MAD1L1: variants seen among roughly 807,000 people sequenced by gnomAD.
The protein encoded by MAD1L1 is mitotic arrest deficient 1 like 1, also known as mitotic spindle assembly checkpoint protein MAD1.
In MAD1L1, 95 loss-of-function variants were observed where a neutral mutation model predicts 96.9. The ratio of observed to expected loss-of-function variants is 0.98; its 90% CI spans 0.83 to 1.16. The LOEUF is 1.16. MAD1L1 is among the 50% of genes most tolerant of loss of function. The probability of loss-of-function intolerance (pLI) is 0.00; values close to 1 mark genes in which losing one functional copy is unlikely to be tolerated. For missense variants in MAD1L1, 1,007 were observed against 954.4 expected (o/e 1.06, Z -0.73); for synonymous variants, 473 against 396.6 (o/e 1.19, Z -2.29).
chr7:1,969,737 C>A (rs1780323893), intron 15 of MAD1L1, among the ~76,000 whole-genome samples: 1 of 152,098 alleles, frequency 6.6e-6, no homozygotes, highest in Admixed American at 6.5e-5. Context: ...AGCAATCTGA[C>A]AAGGAAATCA....
chr7:1,929,278 T>A (rs746768805), intron 17 of MAD1L1, among the ~76,000 whole-genome samples: 16 of 152,122 alleles, frequency 1.1e-4, no homozygotes, highest in Middle Eastern at 3.2e-3. Flanking sequence ...ACCTCTAGGA[T>A]CAGCTGTGCC....
At chr7:2,087,403 G>A (rs1785973544) in intron 11 of MAD1L1, among the ~76,000 whole-genome samples, 1 of 152,136 alleles carries the variant, frequency 6.6e-6, no homozygotes, top group Non-Finnish European at 1.5e-5. Flanking sequence ...AGCCAGGCCT[G>A]GTGGCGCGCG....
At chr7:1,963,068 C>T (rs533058293) in intron 15 of MAD1L1, among the ~76,000 whole-genome samples, 1 of 152,370 alleles carries the variant, frequency 6.6e-6, no homozygotes, top group Admixed American at 6.5e-5. Context: ...ACGTTACACA[C>T]GTGACCGCCA....
chr7:1,979,787 G>C (rs111402248), intron 15 of MAD1L1, among the ~76,000 whole-genome samples: 2,339 of 152,306 alleles, frequency 0.015, 28 homozygotes, highest in Non-Finnish European at 0.027. Flanking sequence ...TCTGCTCTGA[G>C]CCACACTCCC....
intron 11 of MAD1L1, among the ~76,000 whole-genome samples, chr7:2,140,257 A>C (rs1436986442): frequency 6.6e-6 from 1 of 152,152 alleles, no homozygotes; most frequent in South Asian, 2.1e-4. Flanking sequence ...AGCCACATTC[A>C]CCACTGCCCA....
chr7:1,942,680 C>G (rs1049321388), intron 16 of MAD1L1, among the ~76,000 whole-genome samples: 5 of 152,184 alleles, frequency 3.3e-5, no homozygotes, highest in African/African-American at 9.7e-5. Context: ...TGTCTCGGAT[C>G]AGAAGACCCG....
intron 18 of MAD1L1, among the ~76,000 whole-genome samples, chr7:1,821,080 CAA>C (rs35460625): frequency 0.021 from 624 of 30,250 alleles, 3 homozygotes; most frequent in Admixed American, 0.034. Context: ...GACTCCATCT[CAA>C]AAAAAAAAAA....
chr7:2,056,164 G>C (rs187813834), intron 12 of MAD1L1, among the ~76,000 whole-genome samples: 1 of 152,212 alleles, frequency 6.6e-6, no homozygotes, highest in African/African-American at 2.4e-5. Context: ...CAAACCCCTG[G>C]AGGGTCACAG....
At chr7:1,935,311 A>G (rs1778527647) in intron 17 of MAD1L1, among the ~76,000 whole-genome samples, 1 of 152,204 alleles carries the variant, frequency 6.6e-6, no homozygotes, top group Admixed American at 6.5e-5. Flanking sequence ...CACAGTGGAG[A>G]CCGGGAGCAG....
At chr7:1,851,696 G>A (rs955857265) in intron 18 of MAD1L1, among the ~76,000 whole-genome samples, 1 of 152,200 alleles carries the variant, frequency 6.6e-6, no homozygotes, top group African/African-American at 2.4e-5. Context: ...AGGTGCTGGG[G>A]ACACAGCCTT....
chr7:1,854,304 C>G (rs146225123), intron 18 of MAD1L1: 1 of 444,842 alleles, frequency 2.2e-6, no homozygotes, highest in Non-Finnish European at 4.5e-6. Context: ...GCCCCAGCAG[C>G]GAGCGGACGT....
intron 13 of MAD1L1, among the ~76,000 whole-genome samples, chr7:2,012,869 C>G (rs1782364961): frequency 6.6e-6 from 1 of 152,190 alleles, no homozygotes; most frequent in Admixed American, 6.5e-5. Flanking sequence ...GCCTGAGCCT[C>G]TGTGCCCACG....
chr7:2,181,065 G>C (rs1048368784), intron 10 of MAD1L1, among the ~76,000 whole-genome samples: 1 of 152,138 alleles, frequency 6.6e-6, no homozygotes. Context: ...CAAATATGCC[G>C]GTGAGCTTAT....
At chr7:2,127,959 T>C (rs865959241) in intron 11 of MAD1L1, among the ~76,000 whole-genome samples, 38 of 152,060 alleles carry the variant, frequency 2.5e-4, no homozygotes, top group Non-Finnish European at 1.0e-4. Context: ...ACCTGAGAGA[T>C]TAAGACAGTG....
intron 11 of MAD1L1, among the ~76,000 whole-genome samples, chr7:2,125,287 G>T (rs1321783266): frequency 1.3e-5 from 2 of 152,136 alleles, no homozygotes; most frequent in African/African-American, 2.4e-5. Context: ...GGTGGGTGGG[G>T]GTGGTGCCCC....
chr7:1,910,288 C>T (rs985823207), intron 17 of MAD1L1, among the ~76,000 whole-genome samples: 2 of 152,182 alleles, frequency 1.3e-5, no homozygotes, highest in Non-Finnish European at 2.9e-5. Context: ...AGTGATCCTC[C>T]GGACACCCTG....
intron 10 of MAD1L1, chr7:2,175,334 G>A (rs923776179): frequency 1.3e-5 from 2 of 152,116 alleles, no homozygotes; most frequent in East Asian, 1.9e-4. Flanking sequence ...TCAAAACTCT[G>A]CAGCACAGAT....
rs975043543 is a variant in MAD1L1, at chr7:2,006,006, C to T, written c.1360-3885G>A. On this transcript the variant is annotated intron_variant, in intron 13 of 18. Transcript: ENST00000265854. Reference sequence around the variant, plus strand: ...TTCCAGGAGTGTGAAATGGAGAGCACGCTCCATGGGCATGGAGATGGGGGA... The same window carrying T: ...TTCCAGGAGTGTGAAATGGAGAGCATGCTCCATGGGCATGGAGATGGGGGA... Among the ~76,000 whole-genome samples, 8 of 151,892 alleles carry T rather than the reference C, an allele frequency of 5.3e-5. 1 individual carries two copies. Among genetic ancestry groups the T allele is most frequent in the African/African-American group, 1.9e-4 (8 of 41,324 alleles).
chr7:1,978,592 G>C (rs972062735), intron 15 of MAD1L1, among the ~76,000 whole-genome samples: 1 of 152,034 alleles, frequency 6.6e-6, no homozygotes, highest in South Asian at 2.1e-4. Flanking sequence ...GCACCTGCCC[G>C]GTCTCCAGCT....
Sources: allele counts gnomAD v4.1 joint callset (sites outside exome capture counted in the v4.1 genomes callset), GRCh38; gene constraint gnomAD v4.1.1; transcripts MANE v1.5; gene names NCBI Gene and HGNC (gene_info 2026-07-23, HGNC 2026-07-21).